Variants in GALNTL6 observed in about 807,000 individuals in gnomAD.
The protein encoded by GALNTL6 is polypeptide N-acetylgalactosaminyltransferase like 6.
A neutral mutation model predicts 73.7 loss-of-function variants in GALNTL6; 46 were observed. The ratio of observed to expected loss-of-function variants is 0.62; its 90% CI spans 0.49 to 0.80. GALNTL6 has a LOEUF of 0.80. GALNTL6 is among the 30% of genes least tolerant of loss of function. The pLI is 0.00. For missense variants in GALNTL6, 604 were observed against 755.0 expected, an observed-to-expected ratio of 0.80 and a Z score of 2.34; for synonymous variants, 259 against 263.7, an observed-to-expected ratio of 0.98 and a Z score of 0.17.
At chr4:172,110,608 T>A (rs1409584739) in intron 2 of GALNTL6, among the ~76,000 whole-genome samples, 1 of 152,190 alleles carries the variant, frequency 6.6e-6, no homozygotes, top group African/African-American at 2.4e-5. Context: ...CAGTTATTTA[T>A]AAAACAGTGG....
intron 9 of GALNTL6, among the ~76,000 whole-genome samples, chr4:172,947,375 C>A (rs796412993): frequency 2.0e-4 from 31 of 152,210 alleles, no homozygotes; most frequent in African/African-American, 6.0e-4. Flanking sequence ...CCCTGGGAAT[C>A]CACAGAAATC....
chr4:172,281,995 A>G (rs754150433), intron 3 of GALNTL6, among the ~76,000 whole-genome samples: 30 of 152,078 alleles, frequency 2.0e-4, no homozygotes, highest in Admixed American at 6.6e-4. Context: ...TAAAATTGTC[A>G]TAAAATTGAA....
chr4:172,121,957 CTT>C (rs35299123), intron 2 of GALNTL6, among the ~76,000 whole-genome samples: 26 of 147,576 alleles, frequency 1.8e-4, no homozygotes, highest in African/African-American at 2.0e-4. Context: ...TTAGGTGACA[CTT>C]TTTTTTTTTT....
chr4:172,607,400 T>C lies in GALNTL6; in HGVS notation c.554-201961T>C, dbSNP rs1639274593. ...ATAAGTGAAAACATACGGTATTTGGTTTTCTATTCCTGTGTTAGTTCACTT... is the reference window on the plus strand; with the variant it reads ...ATAAGTGAAAACATACGGTATTTGGCTTTCTATTCCTGTGTTAGTTCACTT... On this transcript the variant is annotated intron_variant, in intron 5 of 12. Coordinates refer to ENST00000506823, the MANE Select transcript of GALNTL6 (RefSeq NM_001034845.3). 2.0e-5 allele frequency among the ~76,000 whole-genome samples: 3 copies of C among 150,684 alleles called. No homozygotes were observed. The South Asian group carries it at 6.3e-4, about 32-fold the overall frequency.
chr4:172,228,895 T>C (rs1416082058), intron 2 of GALNTL6, among the ~76,000 whole-genome samples: 1 of 152,200 alleles, frequency 6.6e-6, no homozygotes, highest in South Asian at 2.1e-4. Context: ...TATCGGACTT[T>C]GGAAAAGCAT....
intron 5 of GALNTL6, among the ~76,000 whole-genome samples, chr4:172,779,627 G>GA (rs1739269346): frequency 1.3e-5 from 2 of 152,304 alleles, no homozygotes; most frequent in South Asian, 4.1e-4. Context: ...CATCACTGAA[G>GA]AAAAGCAAGT....
chr4:172,045,922 T>C (rs1488432723), intron 2 of GALNTL6, among the ~76,000 whole-genome samples: 1 of 152,082 alleles, frequency 6.6e-6, no homozygotes, highest in Non-Finnish European at 1.5e-5. Context: ...TTTTAGATTG[T>C]TTAGATGTAA....
At chr4:172,619,408 C>A (rs937571881) in intron 5 of GALNTL6, among the ~76,000 whole-genome samples, 3 of 152,170 alleles carry the variant, frequency 2.0e-5, no homozygotes, top group African/African-American at 4.8e-5. Context: ...CCAATTCATT[C>A]ACTCTTTCTC....
intron 5 of GALNTL6, among the ~76,000 whole-genome samples, chr4:172,767,489 C>T (rs907274815): frequency 2.0e-5 from 3 of 152,148 alleles, no homozygotes; most frequent in Non-Finnish European, 4.4e-5. Context: ...CATCAACTAC[C>T]TATGGCCACG....
intron 2 of GALNTL6, among the ~76,000 whole-genome samples, chr4:171,864,042 G>A (rs1294515929): frequency 2.6e-5 from 4 of 152,100 alleles, no homozygotes; most frequent in Non-Finnish European, 2.9e-5. Flanking sequence ...GATTACAGGC[G>A]TGAGCCATGG....
At chr4:171,911,335 T>A (rs1168776719) in intron 2 of GALNTL6, among the ~76,000 whole-genome samples, 1 of 152,108 alleles carries the variant, frequency 6.6e-6, no homozygotes, top group African/African-American at 2.4e-5. Context: ...AATTTTTGTA[T>A]TTTTGTAGAA....
intron 2 of GALNTL6, among the ~76,000 whole-genome samples, chr4:171,982,721 GT>G (rs1739943109): frequency 6.6e-6 from 1 of 152,130 alleles, no homozygotes; most frequent in African/African-American, 2.4e-5. Flanking sequence ...GACTTACAAA[GT>G]TTTGAGAAAA....
intron 5 of GALNTL6, among the ~76,000 whole-genome samples, chr4:172,355,399 G>A (rs1418934185): frequency 1.3e-5 from 2 of 151,996 alleles, no homozygotes; most frequent in Admixed American, 1.3e-4. Flanking sequence ...AGGCTAATTT[G>A]AACATGCATA....
At chr4:172,483,703 G>A (rs966722487) in intron 5 of GALNTL6, among the ~76,000 whole-genome samples, 7 of 152,190 alleles carry the variant, frequency 4.6e-5, no homozygotes, top group African/African-American at 1.7e-4. Context: ...ACTGAAAAGA[G>A]AAGGAAGGAT....
At chr4:172,544,059 A>T (rs182342544) in intron 5 of GALNTL6, among the ~76,000 whole-genome samples, 11 of 152,262 alleles carry the variant, frequency 7.2e-5, no homozygotes, top group Admixed American at 1.3e-4. Flanking sequence ...ACTCAAGGAG[A>T]TCGATTTCTT....
At chr4:172,510,076 T>C in intron 5 of GALNTL6, among the ~76,000 whole-genome samples, 1 of 55,374 alleles carries the variant, frequency 1.8e-5, no homozygotes, top group Non-Finnish European at 4.2e-5. Flanking sequence ...TCCATGAGCA[T>C]GGGATGTGTT....
At chr4:172,338,130 AT>A (rs1173306173) in intron 4 of GALNTL6, among the ~76,000 whole-genome samples, 4 of 152,020 alleles carry the variant, frequency 2.6e-5, no homozygotes, top group Non-Finnish European at 5.9e-5. Context: ...AGCTCTGGTT[AT>A]TTTTTTAAGA....
intron 5 of GALNTL6, among the ~76,000 whole-genome samples, chr4:172,408,210 A>G (rs1744304582): frequency 6.6e-6 from 1 of 152,054 alleles, no homozygotes; most frequent in Non-Finnish European, 1.5e-5. Context: ...GTATTCCATT[A>G]AAGCAAAATC....
intron 2 of GALNTL6, among the ~76,000 whole-genome samples, chr4:171,880,471 A>C (rs1340625607): frequency 6.6e-6 from 1 of 152,236 alleles, no homozygotes; most frequent in South Asian, 2.1e-4. Context: ...GATTGGGAAG[A>C]AAGGCTGTTA....
Sources: allele counts gnomAD v4.1 joint callset (sites outside exome capture counted in the v4.1 genomes callset), GRCh38; gene constraint gnomAD v4.1.1; transcripts MANE v1.5; gene names NCBI Gene and HGNC (gene_info 2026-07-23, HGNC 2026-07-21).